CRADD: variants seen among roughly 807,000 people sequenced by gnomAD.
CRADD encodes CARD and death domain containing adaptor protein, also known as death domain-containing protein CRADD.
A neutral mutation model predicts 15.5 loss-of-function variants in CRADD; 9 were observed. The observed-to-expected ratio is 0.58, with a 90% CI of 0.35 to 1.01. The LOEUF (loss-of-function observed/expected upper bound fraction) is 1.01, where lower values mean the gene tolerates loss of function less well. Ranked by LOEUF, CRADD falls within the 50% of genes least tolerant of loss-of-function variation. The probability of loss-of-function intolerance (pLI) is 0.02; values close to 1 mark genes in which losing one functional copy is unlikely to be tolerated. For missense variants in CRADD, 227 were observed against 250.3 expected, an observed-to-expected ratio of 0.91 and a Z score of 0.63; for synonymous variants, 118 against 107.6, an observed-to-expected ratio of 1.10 and a Z score of -0.60.
At chr12:93,839,988 A>C (rs1052160716) in intron 2 of CRADD, among the ~76,000 whole-genome samples, 2 of 152,204 alleles carry the variant, frequency 1.3e-5, no homozygotes, top group Non-Finnish European at 2.9e-5. Context: ...CTTATTTTCC[A>C]TGAACTTTAT....
chr12:93,818,594 A>G (rs1957735202), intron 2 of CRADD, among the ~76,000 whole-genome samples: 1 of 152,190 alleles, frequency 6.6e-6, no homozygotes. Flanking sequence ...GCCAGTTGGC[A>G]GAGGAGGCAT....
intron 2 of CRADD, among the ~76,000 whole-genome samples, chr12:93,860,269 T>A (rs1389248352): frequency 1.3e-5 from 2 of 152,230 alleles, no homozygotes; most frequent in Non-Finnish European, 2.9e-5. Flanking sequence ...AAATGGCCTG[T>A]CTGACCAAAG....
chr12:93,767,524 G>A (rs1957039075), intron 2 of CRADD, among the ~76,000 whole-genome samples: 1 of 152,066 alleles, frequency 6.6e-6, no homozygotes, highest in Admixed American at 6.6e-5. Context: ...CTGTGTTTAG[G>A]GCTTTGGATC....
At chr12:93,678,711 G>A in intron 1 of CRADD, 58 bp from the exon 2 acceptor site, 2 of 1,552,452 alleles carry the variant, frequency 1.3e-6, no homozygotes, top group Non-Finnish European at 1.7e-6. Context: ...CAGTGACACT[G>A]TCTTTAGGGC....
In CRADD at chr12:93,745,207, A is replaced by T. The variant is rs118101943; in HGVS notation, c.298+66135A>T. Among the ~76,000 whole-genome samples the T allele has an allele frequency of 3.4e-3, 522 of 152,284 alleles. 1 individual carries two copies. The highest frequency in any genetic ancestry group is 6.4e-3 in the Non-Finnish European group (432 of 68,014). On this transcript the variant is annotated intron_variant, in intron 2 of 2. Coordinates refer to ENST00000332896, the MANE Select transcript of CRADD (RefSeq NM_003805.5). ...ATACGTCCAAATTTACTGTTTATGG[A>T]TCTCGATTACTGTTTTCTACTTAAA...
At chr12:93,761,248 A>T (rs1565904001) in intron 2 of CRADD, among the ~76,000 whole-genome samples, 1 of 152,350 alleles carries the variant, frequency 6.6e-6, no homozygotes, top group East Asian at 1.9e-4. Flanking sequence ...GAAGAGAATG[A>T]TAGACTCAGC....
At chr12:93,836,974 G>A (rs985695094) in intron 2 of CRADD, among the ~76,000 whole-genome samples, 4 of 152,194 alleles carry the variant, frequency 2.6e-5, no homozygotes, top group African/African-American at 9.7e-5. Flanking sequence ...ACAGTGGAAT[G>A]GGAGTTGCAG....
chr12:93,816,383 A>ATTTTTTTTTTTT, intron 2 of CRADD, among the ~76,000 whole-genome samples: 1 of 122,094 alleles, frequency 8.2e-6, no homozygotes, highest in South Asian at 2.6e-4. Context: ...TGCCTGGCTA[A>ATTTTTTTTTTTT]TTTTTTTTTT....
At chr12:93,741,589 AT>A (rs1165205461) in intron 2 of CRADD, among the ~76,000 whole-genome samples, 16 of 152,228 alleles carry the variant, frequency 1.1e-4, no homozygotes, top group Admixed American at 9.8e-4. Flanking sequence ...GGAAAGTGGA[AT>A]ACACTCTGTG....
intron 2 of CRADD, among the ~76,000 whole-genome samples, chr12:93,714,091 A>G (rs1005225146): frequency 2.6e-5 from 4 of 152,244 alleles, no homozygotes; most frequent in Admixed American, 6.5e-5. Context: ...AGACATAGAA[A>G]AAGCAAGTTA....
intron 2 of CRADD, among the ~76,000 whole-genome samples, chr12:93,724,343 C>T (rs1294847028): frequency 3.3e-5 from 5 of 150,294 alleles, no homozygotes; most frequent in East Asian, 2.0e-4. Flanking sequence ...CGTGCCACTG[C>T]ACTCCAGCCT....
chr12:93,881,435 A>AAT (rs1958500338), intron 2 of CRADD, among the ~76,000 whole-genome samples: 1 of 57,064 alleles, frequency 1.8e-5, no homozygotes, highest in Non-Finnish European at 4.9e-5. Context: ...TCAAAAAAAA[A>AAT]GTGTGGGGGG....
At chr12:93,829,316 T>C (rs1360856313) in intron 2 of CRADD, among the ~76,000 whole-genome samples, 2 of 152,144 alleles carry the variant, frequency 1.3e-5, no homozygotes. Context: ...ACTATTATGC[T>C]GTGTAGGATT....
At chr12:93,700,433 A>T (rs939741921) in intron 2 of CRADD, among the ~76,000 whole-genome samples, 6 of 148,968 alleles carry the variant, frequency 4.0e-5, no homozygotes, top group Admixed American at 3.4e-4. Flanking sequence ...TCCTTCAGTA[A>T]TTTTTTTTTT....
Position 93,719,107 on chromosome 12 carries a change from T to C in CRADD, c.298+40035T>C, listed in dbSNP as rs549786769. Among the ~76,000 whole-genome samples the C allele has an allele frequency of 2.2e-4, 33 of 152,274 alleles. No individual in the cohort carries two copies. The South Asian group carries it at 6.4e-3, about 30-fold the overall frequency. On this transcript the variant is annotated intron_variant, in intron 2 of 2. Coordinates refer to ENST00000332896, the MANE Select transcript of CRADD (RefSeq NM_003805.5). ...ATGTTAGCTGCAGGGTTTTTAAAAA[T>C]ATGTTTTTTATCAAGTTGAGGAGAT...
intron 2 of CRADD, among the ~76,000 whole-genome samples, chr12:93,865,076 G>A (rs78662371): frequency 0.043 from 6,592 of 152,248 alleles, 230 homozygotes; most frequent in East Asian, 0.16. Context: ...AGACCAGAAC[G>A]TTCCAACACT....
chr12:93,830,492 A>C (rs1957882156), intron 2 of CRADD, among the ~76,000 whole-genome samples: 1 of 152,216 alleles, frequency 6.6e-6, no homozygotes, highest in Non-Finnish European at 1.5e-5. Context: ...GAAACTTTTA[A>C]AAGAAAATTT....
chr12:93,823,084 G>A, intron 2 of CRADD, among the ~76,000 whole-genome samples: 1 of 152,218 alleles, frequency 6.6e-6, no homozygotes, highest in Non-Finnish European at 1.5e-5. Context: ...CACCAGGTCA[G>A]GAGTTCGAGA....
At chr12:93,741,195 A>G (rs898883837) in intron 2 of CRADD, among the ~76,000 whole-genome samples, 7 of 152,184 alleles carry the variant, frequency 4.6e-5, no homozygotes, top group East Asian at 1.9e-4. Flanking sequence ...TACAGATGCA[A>G]TGATTTTGTC....
Sources: gnomAD v4.1 joint callset for allele counts (sites outside exome capture counted in the v4.1 genomes callset) on GRCh38, gnomAD v4.1.1 for gene constraint, MANE v1.5 for transcripts, NCBI Gene and HGNC (gene_info 2026-07-23, HGNC 2026-07-21) for gene names.